POLH: variants seen among roughly 807,000 people sequenced by gnomAD.
POLH encodes DNA polymerase eta transcript.
Under a neutral mutation model 73.6 loss-of-function variants are expected in POLH, and 53 were observed. The observed-to-expected ratio is 0.72, with a 90% CI of 0.58 to 0.91. POLH has a LOEUF of 0.91. Ranked by LOEUF, POLH falls within the 40% of genes least tolerant of loss-of-function variation. The pLI, the probability that POLH is intolerant of heterozygous loss-of-function variation, is 0.00. For missense variants in POLH, 768 were observed against 865.4 expected, an observed-to-expected ratio of 0.89 and a Z score of 1.41; for synonymous variants, 292 against 308.5, an observed-to-expected ratio of 0.95 and a Z score of 0.56.
At chr6:43,583,277 T>G in intron 3 of POLH, 136 bp downstream of exon 3, 1 of 769,938 alleles carries the variant, frequency 1.3e-6, no homozygotes, top group Non-Finnish European at 2.2e-6. Flanking sequence ...ATCTTGTCTC[T>G]GTGAAATGAA....
At position 43,615,549 on chromosome 6, in the gene POLH, C is replaced by T. The variant is rs1008204349; in HGVS notation, c.*992C>T. The T allele has an allele frequency of 2.0e-5, 3 of 151,746 alleles. No homozygotes were observed. The highest frequency in any genetic ancestry group is 7.3e-5 in the African/African-American group (3 of 41,266). 9.4% of individuals were successfully genotyped at this position (151,746 alleles called of 1,614,324 possible). On this transcript the variant is annotated 3_prime_UTR_variant, in exon 11 of 11. Transcript: ENST00000372236. ...CAGCCTGGGCAACAGAGCGAGACTC[C>T]ATCTCAAACAAAAACAAGAACAAAA...
rs60046548 is a variant in POLH, at chr6:43,619,364, C to CAAAAAAA, written c.*4831_*4837dup. Among the ~76,000 whole-genome samples, 2 of 37,086 alleles carry CAAAAAAA rather than the reference C, an allele frequency of 5.4e-5. No homozygotes were observed. Among genetic ancestry groups the CAAAAAAA allele is most frequent in the Non-Finnish European group, 1.5e-4 (2 of 13,406 alleles). 24.3% of individuals were successfully genotyped at this position (37,086 alleles called of 152,430 possible). A position where few individuals can be genotyped will look rare whatever the true frequency, so the allele number is the denominator to read the frequency against. ...TGGGTGACAGTCTGAGACCCTGTCT[C>CAAAAAAA]AAAAAAAAAAAAAAAAAAAAAAAAA... On this transcript the variant is annotated 3_prime_UTR_variant, in exon 11 of 11. Transcript: ENST00000372236.
chr6:43,600,806 GA>G (rs1332630371), intron 5 of POLH, among the ~76,000 whole-genome samples, 181 bp from the exon 6 acceptor site: 1 of 152,202 alleles, frequency 6.6e-6, no homozygotes, highest in East Asian at 1.9e-4. Flanking sequence ...TCCCACTGGG[GA>G]TGTTGTGGGA....
intron 1 of POLH, among the ~76,000 whole-genome samples, chr6:43,577,060 T>G (rs1466828719): frequency 6.6e-6 from 1 of 152,186 alleles, no homozygotes; most frequent in Non-Finnish European, 1.5e-5. Flanking sequence ...GCGCCTGTAA[T>G]CCCAGCTACT....
At chr6:43,586,462 CAA>C (rs1764830131) in intron 3 of POLH, among the ~76,000 whole-genome samples, 1 of 152,016 alleles carries the variant, frequency 6.6e-6, no homozygotes, top group South Asian at 2.1e-4. Context: ...GCCTGGGAGA[CAA>C]GAGCGAGACT....
intron 4 of POLH, among the ~76,000 whole-genome samples, chr6:43,594,891 A>G (rs1765864920): frequency 6.8e-6 from 1 of 146,044 alleles, no homozygotes; most frequent in Non-Finnish European, 1.5e-5. Flanking sequence ...TCTTATGGCC[A>G]TACATGGTGG....
intron 1 of POLH, among the ~76,000 whole-genome samples, chr6:43,580,920 C>G (rs1180164592): frequency 1.4e-5 from 2 of 147,896 alleles, no homozygotes; most frequent in African/African-American, 2.5e-5. Flanking sequence ...TCCCGGACGG[C>G]ACGGCTGGCC....
At position 43,587,640 on chromosome 6, in the gene POLH, C is replaced by G. The variant is rs1764974507; in HGVS notation, c.490+151C>G. Reference sequence around the variant, plus strand: ...TCACATGGAAGGATATACAAATTTTCTTATCTTTCCAGGTATATGGCTGTT... The same window carrying G: ...TCACATGGAAGGATATACAAATTTTGTTATCTTTCCAGGTATATGGCTGTT... On this transcript the variant is annotated intron_variant, in intron 4 of 10. Transcript: ENST00000372236. The G allele has an allele frequency of 1.7e-5, 12 of 713,432 alleles. No individual in the cohort carries two copies. The South Asian group carries it at 1.8e-4, about 11-fold the overall frequency. 44.2% of individuals were successfully genotyped at this position (713,432 alleles called of 1,614,324 possible).
chr6:43,583,423 T>A (rs1413666345), intron 3 of POLH, among the ~76,000 whole-genome samples: 2 of 152,232 alleles, frequency 1.3e-5, no homozygotes, highest in Non-Finnish European at 1.5e-5. Context: ...CCAATTCCCA[T>A]GTTCTCCATC....
intron 5 of POLH, among the ~76,000 whole-genome samples, chr6:43,600,028 C>G (rs1044739106): frequency 2.0e-5 from 3 of 151,904 alleles, no homozygotes; most frequent in Non-Finnish European, 2.9e-5. Context: ...CATGGTGGCT[C>G]ATGCCTGTAA....
At position 43,613,675 on chromosome 6, in the gene POLH, A is replaced by G; in HGVS notation, c.1260A>G (p.Thr420=). 2 of 1,613,822 alleles carry G rather than the reference A, an allele frequency of 1.2e-6. No homozygotes were observed. The highest frequency in any genetic ancestry group is 2.2e-5 in the South Asian group (2 of 91,036). Reference sequence around the variant, plus strand: ...TTCTGTATAGGTCTCCTCCTCTCACAATGCTTTTCCTCTGTGCTACAAAAT... The same window carrying G: ...TTCTGTATAGGTCTCCTCCTCTCACGATGCTTTTCCTCTGTGCTACAAAAT... ...GIQTEWSPPL[T]MLFLCATKFS... The change falls in exon 11 of 11, where the codon ACA becomes ACG. Residue 420 remains threonine, a synonymous_variant. Transcript: ENST00000372236.
chr6:43,614,014 GCA>G lies in POLH; in HGVS notation c.1600_1601del (p.Gln534GlufsTer11). 1 of 1,614,094 alleles carries G rather than the reference GCA, an allele frequency of 6.2e-7. No individual in the cohort carries two copies. The highest frequency in any genetic ancestry group is 8.5e-7 in the Non-Finnish European group (1 of 1,180,020). On this transcript the variant is annotated frameshift_variant, in exon 11 of 11. Transcript: ENST00000372236. LOFTEE classifies it high-confidence loss of function. The part of the protein sequence containing the change: ...QSTGTEPFFK[Q>X]KSLLLKQKQL... The stretch of plus-strand genomic sequence containing the variant: ...GTACAGGAACTGAGCCCTTCTTTAA[GCA>G]GAAAAGTCTGCTTCTAAAGCAGAAA...
chr6:43,580,532 C>CG (rs1264844851), intron 1 of POLH, among the ~76,000 whole-genome samples: 29 of 115,192 alleles, frequency 2.5e-4, no homozygotes, highest in African/African-American at 1.0e-3. Context: ...GCTGGCCGGG[C>CG]GGGGGGCTGA....
intron 4 of POLH, among the ~76,000 whole-genome samples, chr6:43,595,311 A>AT (rs1293233089): frequency 6.6e-6 from 1 of 151,842 alleles, no homozygotes; most frequent in Non-Finnish European, 1.5e-5. Flanking sequence ...TTGTATTTGT[A>AT]TTTTTAGTAG....
At chr6:43,581,073 C>A (rs1361361847) in intron 1 of POLH, among the ~76,000 whole-genome samples, 1 of 94,312 alleles carries the variant, frequency 1.1e-5, no homozygotes, top group Non-Finnish European at 2.2e-5. Flanking sequence ...GGCTGCCGGG[C>A]GGAGAGGCTC....
intron 5 of POLH, among the ~76,000 whole-genome samples, chr6:43,599,583 G>T (rs972991454): frequency 6.6e-6 from 1 of 150,820 alleles, no homozygotes; most frequent in Non-Finnish European, 1.5e-5. Context: ...TACCTTCTCC[G>T]CCTCCCTTCA....
intron 3 of POLH, among the ~76,000 whole-genome samples, chr6:43,586,918 T>C (rs1185798681): frequency 2.6e-5 from 4 of 152,210 alleles, no homozygotes; most frequent in Non-Finnish European, 4.4e-5. Flanking sequence ...TTGGTGGATA[T>C]ATGAAAATAA....
At chr6:43,612,974 T>G (rs762280350) in intron 10 of POLH, among the ~76,000 whole-genome samples, 1 of 151,938 alleles carries the variant, frequency 6.6e-6, no homozygotes, top group Non-Finnish European at 1.5e-5. Context: ...CTAATTTTTG[T>G]ATTTTAGTAG....
Position 43,582,339 on chromosome 6 carries a change from G to C in POLH, c.20G>C (p.Arg7Pro), listed in dbSNP as rs1446542886. 1 of 1,614,126 alleles carries C rather than the reference G, an allele frequency of 6.2e-7. No homozygotes were observed. Among genetic ancestry groups the C allele is most frequent in the Non-Finnish European group, 8.5e-7 (1 of 1,180,002 alleles). ...AGAAAAATGGCTACTGGACAGGATC[G>C]AGTGGTTGCTCTCGTGGACATGGAC... is the stretch of plus-strand genomic sequence containing the variant. The part of the protein sequence containing the change: MATGQD[R>P]VVALVDMDCF... The change falls in exon 2 of 11, where the codon CGA (arginine) becomes CCA (proline). Residue 7 changes from arginine (R) to proline (P), a missense_variant. Transcript: ENST00000372236.
Sources: gnomAD v4.1 joint callset for allele counts (sites outside exome capture counted in the v4.1 genomes callset) on GRCh38, gnomAD v4.1.1 for gene constraint, MANE v1.5 for transcripts, NCBI Gene and HGNC (gene_info 2026-07-23, HGNC 2026-07-21) for gene names.